Variants in MOV10L1 observed in about 807,000 individuals in gnomAD.
MOV10L1 encodes the protein Mov10 like RNA helicase 1, also known as RNA helicase Mov10l1.
A neutral mutation model predicts 143.8 loss-of-function variants in MOV10L1; 110 were observed. That is an observed-to-expected ratio of 0.76 (90% CI 0.66 to 0.90). The LOEUF is 0.90. Ranked by LOEUF, MOV10L1 falls within the 40% of genes least tolerant of loss-of-function variation. The probability of loss-of-function intolerance (pLI) is 0.00; values close to 1 mark genes in which losing one functional copy is unlikely to be tolerated. For synonymous variants in MOV10L1, 593 were observed against 581.1 expected (o/e 1.02, Z -0.29); for missense variants, 1,406 against 1,526.8 (o/e 0.92, Z 1.32).
At chr22:50,133,908 T>C in intron 13 of MOV10L1, 99 bp from the exon 14 acceptor site, 1 of 962,746 alleles carries the variant, frequency 1.0e-6, no homozygotes, top group Non-Finnish European at 1.6e-6. Flanking sequence ...TTTTTTATAT[T>C]GACTTAAAGA....
At position 50,108,184 on chromosome 22, in the gene MOV10L1, G is replaced by A. The variant is rs780670928; in HGVS notation, c.491G>A (p.Arg164Gln). ...TGGGTGGAGGCTGAGTACCGGATCCGGCCTGGCACGTGGAGCAGCGAAGCC... is the reference window on the plus strand; with the variant it reads ...TGGGTGGAGGCTGAGTACCGGATCCAGCCTGGCACGTGGAGCAGCGAAGCC... ...GDWVEAEYRI[R>Q]PGTWSSEATS... The change falls in exon 4 of 27, where the codon CGG becomes CAG. Residue 164 changes from arginine (R) to glutamine (Q), a missense_variant. Physicochemically the swap from Arg to Gln is conservative, Grantham distance 43 (BLOSUM62 1). This residue lies in a region of MOV10L1 where 1,233 missense variants were observed against 1,351.4 expected (regional missense o/e 0.91). Coordinates refer to ENST00000262794, the MANE Select transcript of MOV10L1 (RefSeq NM_018995.3). The A allele has an allele frequency of 3.2e-5, 51 of 1,613,976 alleles. No homozygotes were observed. In the East Asian group the frequency reaches 7.6e-4, roughly 24 times the overall value.
chr22:50,159,867 G>T lies in MOV10L1; in HGVS notation c.3324+82G>T. 1 of 895,270 alleles carries T rather than the reference G, an allele frequency of 1.1e-6. No homozygotes were observed. Among genetic ancestry groups the T allele is most frequent in the South Asian group, 1.5e-5 (1 of 65,358 alleles). The allele number at this position is 895,270 out of a possible 1,614,324, so 55.5% of individuals were successfully genotyped here. On this transcript the variant is annotated intron_variant, in intron 24 of 26. Coordinates refer to ENST00000262794, the MANE Select transcript of MOV10L1 (RefSeq NM_018995.3). This position sits in a 1 kb window ranked among gnomAD's most constrained non-coding sequence, Gnocchi z 4.1. Reference sequence around the variant, plus strand: ...TTCTGGGGGCTTCAGATCTAAAGGGGCAGAGGCTGATTCCCAGCCCAGAGA... The same window carrying T: ...TTCTGGGGGCTTCAGATCTAAAGGGTCAGAGGCTGATTCCCAGCCCAGAGA...
Position 50,117,227 on chromosome 22 carries a change from G to T in MOV10L1, c.1330G>T (p.Val444Leu), listed in dbSNP as rs1245503981. Residue 444 changes from valine (V) to leucine (L), a missense_variant, in exon 9 of 27, where the codon GTA (valine) becomes TTA (leucine). Val to Leu is a conservative substitution (Grantham distance 32). This residue lies in a region of MOV10L1 where 1,233 missense variants were observed against 1,351.4 expected (regional missense o/e 0.91). Coordinates refer to ENST00000262794, the MANE Select transcript of MOV10L1 (RefSeq NM_018995.3). The part of the protein sequence containing the change: ...SDFLIGRYLE[V>L]NVISGEESLI... ...TTTCCTAATTGGGCGATACCTTGAA[G>T]TAAATGTTATCAGTGGGGAGGAGTC... The T allele has an allele frequency of 5.0e-6, 8 of 1,614,078 alleles. No homozygotes were observed. The South Asian group carries it at 7.7e-5, about 16-fold the overall frequency.
intron 17 of MOV10L1, among the ~76,000 whole-genome samples, chr22:50,143,553 T>C (rs1276401281): frequency 6.6e-6 from 1 of 152,228 alleles, no homozygotes; most frequent in Non-Finnish European, 1.5e-5. Flanking sequence ...TGAAGTTAAG[T>C]TTATGAAACT....
In MOV10L1 at chr22:50,128,378, T is replaced by C. The variant is rs59427978; in HGVS notation, c.1819-38T>C. 1.6e-3 allele frequency: 1,776 copies of C among 1,141,144 alleles called. 24 individuals carry two copies. In the African/African-American group the frequency reaches 0.025, roughly 16 times the overall value. 70.7% of individuals were successfully genotyped at this position (1,141,144 alleles called of 1,614,324 possible). A position where few individuals can be genotyped will look rare whatever the true frequency, so the allele number is the denominator to read the frequency against. On this transcript the variant is annotated intron_variant, in intron 12 of 26. Coordinates refer to ENST00000262794, the MANE Select transcript of MOV10L1 (RefSeq NM_018995.3). ...GTCGCTAGATAAAGATATCACATTA[T>C]TTCAAGAAATCAGGTATATTGTTTG...
chr22:50,115,264 T>A lies in MOV10L1; in HGVS notation c.1259+18T>A, dbSNP rs780094111. 1.3e-6 allele frequency: 2 copies of A among 1,484,370 alleles called. No homozygotes were observed. Among genetic ancestry groups the A allele is most frequent in the African/African-American group, 1.5e-5 (1 of 67,796 alleles). The allele number at this position is 1,484,370 out of a possible 1,614,324, so 91.9% of individuals were successfully genotyped here. A position where few individuals can be genotyped will look rare whatever the true frequency, so the allele number is the denominator to read the frequency against. On this transcript the variant is annotated intron_variant, in intron 8 of 26. Coordinates refer to ENST00000262794, the MANE Select transcript of MOV10L1 (RefSeq NM_018995.3). ...GACGGAAAGTAAGGGCCTGGAGGTC[T>A]GGGGAGAGCCGCGTTTTTAAGTTTC...
intron 3 of MOV10L1, among the ~76,000 whole-genome samples, chr22:50,101,464 C>T (rs1030465027): frequency 1.3e-5 from 2 of 151,640 alleles, no homozygotes; most frequent in Non-Finnish European, 2.9e-5. Context: ...ATCCACCTGC[C>T]AAAGTGCTGG....
At chr22:50,116,354 G>A (rs989858680) in intron 8 of MOV10L1, among the ~76,000 whole-genome samples, 10 of 151,858 alleles carry the variant, frequency 6.6e-5, no homozygotes, top group African/African-American at 2.4e-4. Context: ...GGCTGAGGCA[G>A]GAGAATGGCG....
At position 50,109,441 on chromosome 22, in the gene MOV10L1, G is replaced by A. The variant is rs183917478; in HGVS notation, c.743+597G>A. Among the ~76,000 whole-genome samples, 443 of 152,098 alleles carry A rather than the reference G, an allele frequency of 2.9e-3. 2 individuals are homozygous for A. The highest frequency in any genetic ancestry group is 5.3e-3 in the Non-Finnish European group (361 of 67,996). On this transcript the variant is annotated intron_variant, in intron 5 of 26. Coordinates refer to ENST00000262794, the MANE Select transcript of MOV10L1 (RefSeq NM_018995.3). ...TCTCAGCACTCTGGGAGGCCGAGGC[G>A]GGTGAATCATGAGGTCAGGGGATCG...
chr22:50,100,255 A>G (rs2062705106), intron 3 of MOV10L1, among the ~76,000 whole-genome samples: 1 of 152,132 alleles, frequency 6.6e-6, no homozygotes, highest in East Asian at 1.9e-4. Flanking sequence ...GGCCTCCTAA[A>G]GTGCTGGGAT....
intron 13 of MOV10L1, among the ~76,000 whole-genome samples, chr22:50,129,253 A>T (rs2147250300): frequency 6.6e-6 from 1 of 152,132 alleles, no homozygotes; most frequent in South Asian, 2.1e-4. Context: ...CCAGCTCCTT[A>T]CTTTTATTTG....
At chr22:50,106,846 C>T (rs552739178) in intron 3 of MOV10L1, among the ~76,000 whole-genome samples, 114 of 151,338 alleles carry the variant, frequency 7.5e-4, no homozygotes, top group African/African-American at 2.5e-3. Flanking sequence ...GGACCACAGG[C>T]GCCTGCCACC....
chr22:50,125,685 G>A, intron 11 of MOV10L1, 116 bp downstream of exon 11: 1 of 1,129,020 alleles, frequency 8.9e-7, no homozygotes, highest in Non-Finnish European at 1.2e-6. Flanking sequence ...CTTTCTTTTG[G>A]GTTAGAATTT....
chr22:50,113,690 G>A lies in MOV10L1; in HGVS notation c.786G>A (p.Thr262=), dbSNP rs150056734. ...ATGAGGCCACTCATTTCTATGGAAC[G>A]ATTTTGCTGAAGAACAAAGGTGATA... is the stretch of plus-strand genomic sequence containing the variant. The part of the protein sequence containing the change: ...PVHEATHFYG[T]ILLKNKGDIE... The change falls in exon 6 of 27, where the codon ACG becomes ACA. Residue 262 remains threonine, a synonymous_variant. Coordinates refer to ENST00000262794, the MANE Select transcript of MOV10L1 (RefSeq NM_018995.3). 3.3e-5 allele frequency: 53 copies of A among 1,613,850 alleles called. No individual in the cohort carries two copies. In the South Asian group the frequency reaches 4.1e-4, roughly 12 times the overall value.
In MOV10L1 at chr22:50,159,712, A is replaced by G; in HGVS notation, c.3251A>G (p.Asp1084Gly). 1 of 1,613,180 alleles carries G rather than the reference A, an allele frequency of 6.2e-7. No individual in the cohort carries two copies. Among genetic ancestry groups the G allele is most frequent in the Non-Finnish European group, 8.5e-7 (1 of 1,179,404 alleles). Residue 1084 changes from aspartate to glycine, a missense_variant, in exon 24 of 27, where the codon GAT (aspartate) becomes GGT (glycine). Asp to Gly is a moderately conservative substitution (Grantham distance 94). Coordinates refer to ENST00000262794, the MANE Select transcript of MOV10L1 (RefSeq NM_018995.3). This position sits in a 1 kb window ranked among gnomAD's most constrained non-coding sequence, Gnocchi z 4.1. The stretch of plus-strand genomic sequence containing the variant: ...ATCAGAATTCTTTTGCGTAATGTTG[A>G]TCTGATGGATATAAAGGTTGGATCA... ...EKIRILLRNV[D>G]LMDIKVGSVE... is the part of the protein sequence containing the mutation.
At chr22:50,124,351 A>C (rs556671618) in intron 10 of MOV10L1, among the ~76,000 whole-genome samples, 82 of 152,168 alleles carry the variant, frequency 5.4e-4, no homozygotes, top group Non-Finnish European at 9.1e-4. Flanking sequence ...CTTTTGCTTT[A>C]ATTCTTATCT....
rs2063343008 is a variant in MOV10L1 at position 50,153,211 on chromosome 22, G to A, written c.3059G>A (p.Gly1020Asp). 6.2e-7 allele frequency: 1 copy of A among 1,613,306 alleles called. No homozygotes were observed. The highest frequency in any genetic ancestry group is 1.3e-5 in the African/African-American group (1 of 74,944). Residue 1020 changes from glycine (G) to aspartate (D), a missense_variant, in exon 22 of 27, where the codon GGT becomes GAT. Gly to Asp is a moderately conservative substitution (Grantham distance 94, BLOSUM62 -1). This residue lies in a region of MOV10L1 where 1,233 missense variants were observed against 1,351.4 expected (regional missense o/e 0.91). Coordinates refer to ENST00000262794, the MANE Select transcript of MOV10L1 (RefSeq NM_018995.3). ...AAAGGCTTCCCTCTCATCTTCCATG[G>A]TGTGCGGGTGAGTTGTGTCTTGAAT... ...PKKGFPLIFH[G>D]VRGSEAREGK...
In MOV10L1 at chr22:50,160,716, A is replaced by G; in HGVS notation, c.3353A>G (p.Asp1118Gly). The G allele has an allele frequency of 1.2e-6, 2 of 1,614,084 alleles. No homozygotes were observed. The highest frequency in any genetic ancestry group is 2.2e-5 in the South Asian group (2 of 91,070). The stretch of plus-strand genomic sequence containing the variant: ...CGGTCAAATGAAGATAGATTTGAAG[A>G]TGATCGATATTTTTTGGGTTTCTTG... ...TVRSNEDRFE[D>G]DRYFLGFLSN... The change falls in exon 25 of 27, where the codon GAT becomes GGT. Residue 1118 changes from aspartate to glycine, a missense_variant. By Grantham distance (94) the Asp-to-Gly change is moderately conservative. Transcript: ENST00000262794.
chr22:50,116,470 G>T (rs2062180890), intron 8 of MOV10L1, among the ~76,000 whole-genome samples: 1 of 151,640 alleles, frequency 6.6e-6, no homozygotes, highest in African/African-American at 2.4e-5. Context: ...AAGCCATAGG[G>T]GGGCACAAAG....
Sources: allele counts gnomAD v4.1 joint callset (sites outside exome capture counted in the v4.1 genomes callset), GRCh38; gene constraint gnomAD v4.1.1; regional missense constraint gnomAD v4.1.1; non-coding constraint Gnocchi (gnomAD v3.1); transcripts MANE v1.5; gene names NCBI Gene and HGNC (gene_info 2026-07-23, HGNC 2026-07-21).